The following TOMM70 variants were observed in gnomAD, a reference collection of about 807,000 sequenced individuals.
The protein encoded by TOMM70 is translocase of outer mitochondrial membrane 70, also known as mitochondrial import receptor subunit TOM70.
A neutral mutation model predicts 73.6 loss-of-function variants in TOMM70; 13 were observed. The ratio of observed to expected loss-of-function variants is 0.18; its 90% CI spans 0.11 to 0.28. TOMM70 has a LOEUF of 0.28. Ranked by LOEUF, TOMM70 falls within the 10% of genes least tolerant of loss-of-function variation. The probability of loss-of-function intolerance (pLI) is 1.00; values close to 1 mark genes in which losing one functional copy is unlikely to be tolerated. For missense variants in TOMM70, 609 were observed against 747.5 expected (o/e 0.81, Z 2.16); for synonymous variants, 257 against 271.2 (o/e 0.95, Z 0.51).
intron 1 of TOMM70, among the ~76,000 whole-genome samples, chr3:100,396,365 A>C (rs547651652): frequency 5.3e-4 from 81 of 152,318 alleles, no homozygotes; most frequent in African/African-American, 1.7e-3. Flanking sequence ...AACTCATTTC[A>C]TGGGCTAAAC....
In TOMM70 at chr3:100,365,339, T is replaced by C; in HGVS notation, c.*225A>G. On this transcript the variant is annotated 3_prime_UTR_variant, in exon 12 of 12. Coordinates refer to ENST00000284320, the MANE Select transcript of TOMM70 (RefSeq NM_014820.5). ...ACTTTATTTAAAAATCCCTTTAACA[T>C]GTTCTAATCTTTTGTTGCACAGGGA... is the stretch of plus-strand genomic sequence containing the variant. 2 of 502,026 alleles carry C rather than the reference T, an allele frequency of 4.0e-6. No individual in the cohort carries two copies. The highest frequency in any genetic ancestry group is 3.4e-6 in the Non-Finnish European group (1 of 291,934). The allele number at this position is 502,026 out of a possible 1,614,324, so 31.1% of individuals were successfully genotyped here.
chr3:100,372,577 A>G lies in TOMM70; in HGVS notation c.1452+29T>C, dbSNP rs1408350802. ...TGAGATTTGGCATATGTATGCAGTT[A>G]TTTTTAAAAAACCTGAAAAAACATT... On this transcript the variant is annotated intron_variant, in intron 9 of 11. Coordinates refer to ENST00000284320, the MANE Select transcript of TOMM70 (RefSeq NM_014820.5). 4 of 1,559,836 alleles carry G rather than the reference A, an allele frequency of 2.6e-6. No individual in the cohort carries two copies. In the African/African-American group the frequency reaches 5.5e-5, roughly 21 times the overall value.
At chr3:100,380,792 T>C (rs991403223) in intron 5 of TOMM70, among the ~76,000 whole-genome samples, 7 of 152,178 alleles carry the variant, frequency 4.6e-5, no homozygotes, top group Non-Finnish European at 8.8e-5. Flanking sequence ...GCAGTATAAT[T>C]ATGCACAGTA....
chr3:100,390,662 A>G (rs1344408489), intron 1 of TOMM70, among the ~76,000 whole-genome samples: 1 of 152,178 alleles, frequency 6.6e-6, no homozygotes, highest in Non-Finnish European at 1.5e-5. Context: ...CCCCATGTCC[A>G]CTAAAAATAC....
At chr3:100,374,806 A>T (rs1445827340) in intron 7 of TOMM70, among the ~76,000 whole-genome samples, 2 of 152,128 alleles carry the variant, frequency 1.3e-5, no homozygotes, top group Non-Finnish European at 2.9e-5. Context: ...GCCTTCCTTT[A>T]CTCTTTTTTC....
chr3:100,387,613 C>G lies in TOMM70; in HGVS notation c.325-635G>C, dbSNP rs1259512333. On this transcript the variant is annotated intron_variant, in intron 1 of 11. Transcript: ENST00000284320. ...ACACAGACACAGACACACACACACA[C>G]ACACACACACACACACACACACGTA... 6.3e-5 allele frequency among the ~76,000 whole-genome samples: 9 copies of G among 142,782 alleles called. No individual in the cohort carries two copies. In the South Asian group the frequency reaches 8.9e-4, roughly 14 times the overall value. 93.7% of individuals were successfully genotyped at this position (142,782 alleles called of 152,430 possible).
intron 8 of TOMM70, among the ~76,000 whole-genome samples, chr3:100,373,147 A>G (rs1706528833): frequency 6.6e-6 from 1 of 151,906 alleles, no homozygotes; most frequent in African/African-American, 2.4e-5. Context: ...TTACTTAAAA[A>G]AAAAAAAAAA....
chr3:100,387,633 CACGT>C (rs1706708639), intron 1 of TOMM70, among the ~76,000 whole-genome samples: 1 of 120,022 alleles, frequency 8.3e-6, no homozygotes, highest in African/African-American at 3.3e-5. Context: ...CACACACACA[CACGT>C]ATATACTTTT....
Position 100,390,352 on chromosome 3 carries a change from C to T in TOMM70, c.325-3374G>A, listed in dbSNP as rs990692158. ...CATTATGAAAATGTACAGTTATACA[C>T]CACATAACAATGTTTTAGTCAATAA... On this transcript the variant is annotated intron_variant, in intron 1 of 11. Transcript: ENST00000284320. Among the ~76,000 whole-genome samples, 19 of 152,290 alleles carry T rather than the reference C, an allele frequency of 1.2e-4. 1 individual carries two copies. The highest frequency in any genetic ancestry group is 4.1e-4 in the African/African-American group (17 of 41,564).
chr3:100,386,980 T>G lies in TOMM70; in HGVS notation c.325-2A>C. The G allele has an allele frequency of 6.2e-7, 1 of 1,612,210 alleles. No individual in the cohort carries two copies. The highest frequency in any genetic ancestry group is 8.5e-7 in the Non-Finnish European group (1 of 1,179,522). On this transcript the variant is annotated splice_acceptor_variant, in intron 1 of 11. Coordinates refer to ENST00000284320, the MANE Select transcript of TOMM70 (RefSeq NM_014820.5). LOFTEE classifies it high-confidence loss of function. ...TGCTTGGGCTCTATCAAGAGAGTTC[T>G]GAAATGAGAGGAAACAATTATCAAA...
chr3:100,385,986 G>A (rs189419935), intron 3 of TOMM70, among the ~76,000 whole-genome samples: 181 of 152,276 alleles, frequency 1.2e-3, no homozygotes, highest in African/African-American at 4.0e-3. Flanking sequence ...TTTAAAATGT[G>A]TAGTACATAA....
intron 1 of TOMM70, among the ~76,000 whole-genome samples, chr3:100,399,087 G>C (rs1453946677): frequency 6.6e-6 from 1 of 152,140 alleles, no homozygotes; most frequent in Non-Finnish European, 1.5e-5. Flanking sequence ...TTCAAGACCA[G>C]CCTGGCCAAC....
chr3:100,384,463 A>G lies in TOMM70; in HGVS notation c.735+16T>C. The stretch of plus-strand genomic sequence containing the variant: ...GTACACAGTACTCCCCCATTCCCCA[A>G]ATCAGATCAATTTACCTTATATTTT... On this transcript the variant is annotated intron_variant, in intron 4 of 11. Transcript: ENST00000284320. The G allele has an allele frequency of 6.3e-7, 1 of 1,574,866 alleles. No individual in the cohort carries two copies. The highest frequency in any genetic ancestry group is 8.7e-7 in the Non-Finnish European group (1 of 1,153,560).
intron 11 of TOMM70, 68 bp from the exon 12 acceptor site, chr3:100,365,785 G>A: frequency 2.6e-6 from 4 of 1,565,010 alleles, no homozygotes; most frequent in Non-Finnish European, 3.5e-6. Flanking sequence ...AAGGTTGTAA[G>A]TGATGGTACA....
intron 7 of TOMM70, 97 bp downstream of exon 7, chr3:100,374,920 TA>T: frequency 7.4e-7 from 1 of 1,356,454 alleles, no homozygotes; most frequent in African/African-American, 1.5e-5. Context: ...TATCAGAAAT[TA>T]TATAAGAAAA....
At chr3:100,372,434 G>C in intron 9 of TOMM70, 172 bp downstream of exon 9, 2 of 475,502 alleles carry the variant, frequency 4.2e-6, no homozygotes, top group East Asian at 6.2e-5. Context: ...GTGTAACAAA[G>C]GAGCCTCTTC....
intron 5 of TOMM70, 91 bp from the exon 6 acceptor site, chr3:100,378,003 T>C: frequency 1.8e-6 from 2 of 1,138,542 alleles, no homozygotes; most frequent in South Asian, 1.4e-5. Flanking sequence ...TCCCAGCACT[T>C]TGGGAGGCCG....
intron 10 of TOMM70, 143 bp from the exon 11 acceptor site, chr3:100,368,309 T>G: frequency 9.5e-7 from 1 of 1,047,482 alleles, no homozygotes; most frequent in East Asian, 3.0e-5. Context: ...CAGCATCAAA[T>G]TGTGTTTTTT....
chr3:100,368,033 C>T lies in TOMM70; in HGVS notation c.1673+11G>A. ...GCTACCATATATTTCCTAACAGACT[C>T]CAGAAGTTACCTTTGTACTTCAATA... On this transcript the variant is annotated intron_variant, in intron 11 of 11. Transcript: ENST00000284320. 1 of 1,611,552 alleles carries T rather than the reference C, an allele frequency of 6.2e-7. No individual in the cohort carries two copies. Among genetic ancestry groups the T allele is most frequent in the Non-Finnish European group, 8.5e-7 (1 of 1,178,990 alleles).
Sources: gnomAD v4.1 joint callset for allele counts (sites outside exome capture counted in the v4.1 genomes callset) on GRCh38, gnomAD v4.1.1 for gene constraint, MANE v1.5 for transcripts, NCBI Gene and HGNC (gene_info 2026-07-23, HGNC 2026-07-21) for gene names.